The following LZTFL1 variants were observed in gnomAD, a reference collection of about 807,000 sequenced individuals.
LZTFL1 encodes the protein leucine zipper transcription factor like 1.
LZTFL1 carries 25 observed loss-of-function variants against 45.9 expected under a neutral mutation model. The observed-to-expected ratio is 0.54, with a 90% CI of 0.40 to 0.76. LZTFL1 has a LOEUF of 0.76. LZTFL1 is among the 30% of genes least tolerant of loss of function. The probability of loss-of-function intolerance (pLI) is 0.00; values close to 1 mark genes in which losing one functional copy is unlikely to be tolerated. For synonymous variants in LZTFL1, 93 were observed against 117.4 expected (o/e 0.79, Z 1.35); for missense variants, 277 against 331.1 (o/e 0.84, Z 1.27).
intron 3 of LZTFL1, 109 bp from the exon 4 acceptor site, chr3:45,834,407 A>G (rs1700911962): frequency 3.0e-6 from 2 of 660,734 alleles, no homozygotes; most frequent in Non-Finnish European, 5.1e-6. Flanking sequence ...GAGAGAACAG[A>G]GCAAGATGGA....
intron 2 of LZTFL1, among the ~76,000 whole-genome samples, chr3:45,892,391 C>G (rs1702210429): frequency 6.6e-6 from 1 of 152,052 alleles, no homozygotes; most frequent in African/African-American, 2.4e-5. Context: ...TAAAAAAGAA[C>G]AAGATCCTGT....
chr3:45,866,825 A>T (rs1701584423), intron 2 of LZTFL1, among the ~76,000 whole-genome samples: 1 of 152,166 alleles, frequency 6.6e-6, no homozygotes, highest in Non-Finnish European at 1.5e-5. Context: ...GTAGGTTAAC[A>T]ATTTGGTTTT....
chr3:45,842,214 C>G, upstream of LZTFL1: 1 of 1,406,230 alleles, frequency 7.1e-7, no homozygotes, highest in Non-Finnish European at 9.3e-7. Flanking sequence ...AACCGGTTGA[C>G]TGCCACATGC....
chr3:45,856,651 T>A (rs899868127), intron 3 of LZTFL1, among the ~76,000 whole-genome samples: 17 of 151,734 alleles, frequency 1.1e-4, no homozygotes, highest in African/African-American at 3.6e-4. Flanking sequence ...AGGTCTAATA[T>A]CCAAAATCTA....
At chr3:45,892,919 G>A (rs1054788242) in intron 2 of LZTFL1, among the ~76,000 whole-genome samples, 1 of 152,202 alleles carries the variant, frequency 6.6e-6, no homozygotes, top group Non-Finnish European at 1.5e-5. Flanking sequence ...GAGAAGTGAA[G>A]TGCCAGAAGG....
At chr3:45,841,048 G>A (rs1427088252) in intron 1 of LZTFL1, among the ~76,000 whole-genome samples, 1 of 152,208 alleles carries the variant, frequency 6.6e-6, no homozygotes, top group Non-Finnish European at 1.5e-5. Context: ...AGAACAGGAA[G>A]AGATACCAAT....
chr3:45,904,454 C>T (rs979122117), intron 2 of LZTFL1, among the ~76,000 whole-genome samples: 25 of 152,162 alleles, frequency 1.6e-4, no homozygotes, highest in African/African-American at 5.6e-4. Context: ...AAGGCTTTGG[C>T]CTTGTGAGTT....
chr3:45,863,314 G>A (rs1701523798), intron 2 of LZTFL1, among the ~76,000 whole-genome samples: 1 of 152,178 alleles, frequency 6.6e-6, no homozygotes, highest in Non-Finnish European at 1.5e-5. Flanking sequence ...TAATGAGAGG[G>A]ATGAAAGTCA....
intron 2 of LZTFL1, among the ~76,000 whole-genome samples, chr3:45,894,233 A>C (rs951453146): frequency 5.3e-5 from 8 of 152,174 alleles, no homozygotes; most frequent in Non-Finnish European, 8.8e-5. Context: ...GGGAACTAGA[A>C]CTCATTTTCT....
chr3:45,868,086 A>C (rs1202295248), intron 2 of LZTFL1, among the ~76,000 whole-genome samples: 1 of 148,596 alleles, frequency 6.7e-6, no homozygotes, highest in Non-Finnish European at 1.5e-5. Flanking sequence ...AGAGCTATCC[A>C]GAGTGCAGCA....
chr3:45,883,822 T>A, intron 2 of LZTFL1: 1 of 526,268 alleles, frequency 1.9e-6, no homozygotes, highest in East Asian at 3.4e-5. Flanking sequence ...GAGTGAGAGT[T>A]GCAGCCACGG....
intron 3 of LZTFL1, among the ~76,000 whole-genome samples, chr3:45,855,436 A>G (rs1212690348): frequency 2.0e-5 from 3 of 152,240 alleles, no homozygotes; most frequent in Admixed American, 2.0e-4. Context: ...GCCATTTATG[A>G]CAAATCCACA....
chr3:45,899,870 G>A (rs1335721996), intron 2 of LZTFL1, among the ~76,000 whole-genome samples: 1 of 152,136 alleles, frequency 6.6e-6, no homozygotes, highest in Non-Finnish European at 1.5e-5. Context: ...CCGTAGCAGG[G>A]GTTTTAGGAT....
chr3:45,873,714 T>C (rs1445093949), intron 2 of LZTFL1, among the ~76,000 whole-genome samples: 1 of 152,122 alleles, frequency 6.6e-6, no homozygotes, highest in Non-Finnish European at 1.5e-5. Flanking sequence ...ACCTCCATCT[T>C]TCCACAAATT....
At chr3:45,908,583 C>T (rs143297442) in intron 2 of LZTFL1, among the ~76,000 whole-genome samples, 100 of 151,818 alleles carry the variant, frequency 6.6e-4, no homozygotes, top group Non-Finnish European at 1.3e-3. Flanking sequence ...GAGGAGGTAG[C>T]GTTTGAGCTG....
exon 4 of LZTFL1, chr3:45,855,044 G>A: frequency 6.5e-7 from 1 of 1,534,322 alleles, no homozygotes; most frequent in East Asian, 2.4e-5. Context: ...GGGTGGGTAG[G>A]GTACAACTTG....
In LZTFL1 at chr3:45,901,272, CT is replaced by C. The variant is rs747802087; in HGVS notation, c.-215+11847del. ...AGCACATACTTGGAGGGAGAAAAGG[CT>C]TTTGTACAGCAAAATGGTTTGCTTT... On this transcript the variant is annotated intron_variant, in intron 2 of 4. Transcript: ENST00000472635. The surrounding 1 kb of genome is among the most constrained non-coding windows in gnomAD (Gnocchi z 4.3). The C allele has an allele frequency of 1.2e-6, 2 of 1,614,186 alleles. No homozygotes were observed. The highest frequency in any genetic ancestry group is 1.1e-5 in the South Asian group (1 of 91,076).
intron 2 of LZTFL1, among the ~76,000 whole-genome samples, chr3:45,910,357 G>C (rs761597785): frequency 6.6e-6 from 1 of 152,158 alleles, no homozygotes. Context: ...AGAAAGGAAG[G>C]CATCAAGGAT....
Position 45,824,106 on chromosome 3 carries a change from T to C in LZTFL1, c.*2208A>G, listed in dbSNP as rs1369823114. 1 of 152,174 alleles carries C rather than the reference T, an allele frequency of 6.6e-6. No homozygotes were observed. The highest frequency in any genetic ancestry group is 2.4e-5 in the African/African-American group (1 of 41,438). The allele number at this position is 152,174 out of a possible 1,614,324, so 9.4% of individuals were successfully genotyped here. A position where few individuals can be genotyped will look rare whatever the true frequency, so the allele number is the denominator to read the frequency against. On this transcript the variant is annotated 3_prime_UTR_variant, in exon 10 of 10. Coordinates refer to ENST00000296135, the MANE Select transcript of LZTFL1 (RefSeq NM_020347.4). The stretch of plus-strand genomic sequence containing the variant: ...ATATTTTATTTTGGTCAACAAAAAG[T>C]CTGTGCATAACTCAGCAGCAGGCCT...
Sources: gnomAD v4.1 joint callset for allele counts (sites outside exome capture counted in the v4.1 genomes callset) on GRCh38, gnomAD v4.1.1 for gene constraint, Gnocchi (gnomAD v3.1) non-coding constraint, MANE v1.5 for transcripts, NCBI Gene and HGNC (gene_info 2026-07-23, HGNC 2026-07-21) for gene names.